Variants in SNTG2 observed in about 807,000 individuals in gnomAD.
SNTG2 encodes the protein gamma-2-syntrophin.
In SNTG2, 74 loss-of-function variants were observed where a neutral mutation model predicts 70.9. The ratio of observed to expected loss-of-function variants is 1.04; its 90% CI spans 0.86 to 1.27. The LOEUF is 1.27. Ranked by LOEUF, SNTG2 falls within the 50% of genes most tolerant of loss-of-function variation. The pLI is 0.00. For missense variants in SNTG2, 717 were observed against 690.7 expected (o/e 1.04, Z -0.43); for synonymous variants, 278 against 273.8 (o/e 1.02, Z -0.15).
intron 6 of SNTG2, among the ~76,000 whole-genome samples, chr2:1,148,998 G>A (rs1424304298): frequency 6.7e-6 from 1 of 149,368 alleles, no homozygotes; most frequent in Non-Finnish European, 1.5e-5. Flanking sequence ...ATAACAAACA[G>A]TGACTGTTGT....
chr2:1,357,969 C>A (rs1660939546), intron 16 of SNTG2, among the ~76,000 whole-genome samples: 1 of 151,908 alleles, frequency 6.6e-6, no homozygotes, highest in Non-Finnish European at 1.5e-5. Flanking sequence ...ACATTTATTT[C>A]TTATACTTTT....
At chr2:1,284,969 A>G (rs1679708854) in intron 14 of SNTG2, among the ~76,000 whole-genome samples, 2 of 151,188 alleles carry the variant, frequency 1.3e-5, no homozygotes, top group South Asian at 2.1e-4. Flanking sequence ...ATATAACTAT[A>G]TAAATATATA....
chr2:1,071,694 G>T lies in SNTG2; in HGVS notation c.73-11824G>T, dbSNP rs569903131. 5.7e-4 allele frequency among the ~76,000 whole-genome samples: 87 copies of T among 152,024 alleles called. 1 individual carries two copies. The highest frequency in any genetic ancestry group is 2.1e-3 in the African/African-American group (86 of 41,466). ...GAAGATCAAGCTTAGTGAGGGTGTC[G>T]TGTTGAATGCTTAGATAGGCAGAGA... On this transcript the variant is annotated intron_variant, in intron 1 of 16. Coordinates refer to ENST00000308624, the MANE Select transcript of SNTG2 (RefSeq NM_018968.4).
At chr2:1,093,176 G>A (rs952223165) in intron 2 of SNTG2, among the ~76,000 whole-genome samples, 6 of 152,246 alleles carry the variant, frequency 3.9e-5, no homozygotes, top group East Asian at 3.9e-4. Context: ...AATGAGCCTC[G>A]GGGCAGCTCA....
At chr2:1,105,296 G>T (rs1351433827) in intron 4 of SNTG2, among the ~76,000 whole-genome samples, 1 of 152,172 alleles carries the variant, frequency 6.6e-6, no homozygotes, top group African/African-American at 2.4e-5. Context: ...GCTGGGGTTT[G>T]TTTCTGTCCA....
At chr2:1,342,104 T>G (rs1052320983) in intron 16 of SNTG2, among the ~76,000 whole-genome samples, 3 of 152,360 alleles carry the variant, frequency 2.0e-5, no homozygotes, top group African/African-American at 7.2e-5. Flanking sequence ...ATTTAAAACC[T>G]TCTTGAGGAC....
intron 4 of SNTG2, among the ~76,000 whole-genome samples, chr2:1,131,534 T>A (rs939748660): frequency 6.6e-6 from 1 of 152,208 alleles, no homozygotes; most frequent in African/African-American, 2.4e-5. Flanking sequence ...TGGGACACAC[T>A]ATTCATTTCC....
intron 16 of SNTG2, among the ~76,000 whole-genome samples, chr2:1,347,619 T>G (rs1323687721): frequency 6.6e-6 from 1 of 152,232 alleles, no homozygotes; most frequent in East Asian, 1.9e-4. Flanking sequence ...GAACCCGTAT[T>G]TCACTCCTTT....
intron 1 of SNTG2, among the ~76,000 whole-genome samples, chr2:1,039,968 G>C (rs1430411761): frequency 6.6e-6 from 1 of 152,152 alleles, no homozygotes; most frequent in Non-Finnish European, 1.5e-5. Context: ...CTCTGGGATT[G>C]AGCTGGCTGT....
chr2:1,328,730 G>C (rs1681859184), intron 16 of SNTG2, among the ~76,000 whole-genome samples: 1 of 152,192 alleles, frequency 6.6e-6, no homozygotes, highest in Admixed American at 6.5e-5. Context: ...AGGGGTTTAA[G>C]AAAAGAGGGA....
At chr2:1,199,107 T>G (rs1428947926) in intron 8 of SNTG2, among the ~76,000 whole-genome samples, 1 of 141,266 alleles carries the variant, frequency 7.1e-6, no homozygotes, top group East Asian at 2.3e-4. Context: ...ATATTTCTGA[T>G]GAACACAGAC....
chr2:1,184,142 C>A (rs1482986123), intron 8 of SNTG2, among the ~76,000 whole-genome samples: 1 of 152,060 alleles, frequency 6.6e-6, no homozygotes, highest in Non-Finnish European at 1.5e-5. Context: ...CCAAGGTCAG[C>A]AGTAGAAAGA....
chr2:1,139,167 TCTATC>T (rs1323694985), intron 6 of SNTG2, among the ~76,000 whole-genome samples: 3 of 152,216 alleles, frequency 2.0e-5, no homozygotes, highest in South Asian at 2.1e-4. Context: ...CTTCATGACT[TCTATC>T]CTAGCCCAGA....
At chr2:1,001,577 C>A (rs1659397302) in intron 1 of SNTG2, among the ~76,000 whole-genome samples, 1 of 151,606 alleles carries the variant, frequency 6.6e-6, no homozygotes. Context: ...AAGAATTCTA[C>A]AAGAAAAACT....
chr2:1,044,738 G>T (rs1332991128), intron 1 of SNTG2, among the ~76,000 whole-genome samples: 9 of 152,160 alleles, frequency 5.9e-5, no homozygotes, highest in South Asian at 2.1e-4. Flanking sequence ...CAGGGATAAA[G>T]CCTACTTGAT....
In SNTG2 at chr2:1,310,229, T is replaced by G. The variant is rs539849374; in HGVS notation, c.1377+1643T>G. Among the ~76,000 whole-genome samples the G allele has an allele frequency of 8.5e-5, 13 of 152,260 alleles. No individual in the cohort carries two copies. The South Asian group carries it at 2.7e-3, about 32-fold the overall frequency. ...CCTCCACTGGAAGGAGCCTGTGAGC[T>G]CCTCCTTTCCAGGAGCGAAACGCTG... is the stretch of plus-strand genomic sequence containing the variant. On this transcript the variant is annotated intron_variant, in intron 15 of 16. Transcript: ENST00000308624.
intron 8 of SNTG2, among the ~76,000 whole-genome samples, chr2:1,194,226 G>T (rs1672769197): frequency 6.6e-6 from 1 of 152,214 alleles, no homozygotes; most frequent in African/African-American, 2.4e-5. Flanking sequence ...TCTGCACAAG[G>T]GAAGAAGCAT....
intron 1 of SNTG2, among the ~76,000 whole-genome samples, chr2:987,455 G>A (rs943454369): frequency 2.6e-5 from 4 of 151,950 alleles, no homozygotes; most frequent in Non-Finnish European, 4.4e-5. Flanking sequence ...TGTCACGGGG[G>A]CCTTTACAGT....
intron 1 of SNTG2, among the ~76,000 whole-genome samples, chr2:983,491 C>G (rs1217311978): frequency 6.6e-6 from 1 of 152,214 alleles, no homozygotes; most frequent in African/African-American, 2.4e-5. Flanking sequence ...AACTTGGTGC[C>G]TCCTGCATGA....
Sources: allele counts gnomAD v4.1 joint callset (sites outside exome capture counted in the v4.1 genomes callset), GRCh38; gene constraint gnomAD v4.1.1; transcripts MANE v1.5; gene names NCBI Gene and HGNC (gene_info 2026-07-23, HGNC 2026-07-21).